The following HERC3 variants were observed in gnomAD, a reference collection of about 807,000 sequenced individuals.
The protein encoded by HERC3 is probable E3 ubiquitin-protein ligase HERC3.
A neutral mutation model predicts 129.9 loss-of-function variants in HERC3; 58 were observed. That is an observed-to-expected ratio of 0.45 (90% CI 0.36 to 0.56). The LOEUF is 0.56. HERC3 is among the 20% of genes least tolerant of loss of function. The pLI is 0.00. For missense variants in HERC3, 835 were observed against 1,244.2 expected, an observed-to-expected ratio of 0.67 and a Z score of 4.95; for synonymous variants, 430 against 451.0, an observed-to-expected ratio of 0.95 and a Z score of 0.59.
intron 23 of HERC3, among the ~76,000 whole-genome samples, chr4:88,691,800 C>G (rs953131929): frequency 2.6e-5 from 4 of 152,230 alleles, no homozygotes; most frequent in African/African-American, 9.6e-5. Context: ...ATAATGTAGT[C>G]ATTAGCAGTC....
At chr4:88,641,848 G>A (rs1448382239) in intron 3 of HERC3, among the ~76,000 whole-genome samples, 1 of 152,078 alleles carries the variant, frequency 6.6e-6, no homozygotes, top group Non-Finnish European at 1.5e-5. Context: ...GCCGGGCACG[G>A]TGCTCATGCC....
intron 9 of HERC3, chr4:88,656,392 T>C (rs1729904877): frequency 5.0e-6 from 1 of 200,168 alleles, no homozygotes; most frequent in African/African-American, 2.3e-5. Context: ...TCAGGAATCT[T>C]ACAGTCATGG....
chr4:88,697,044 G>T, intron 23 of HERC3: 1 of 626,238 alleles, frequency 1.6e-6, no homozygotes, highest in Non-Finnish European at 2.6e-6. Flanking sequence ...GAGCTGGCCA[G>T]GATCTAATTG....
the HERC3 span, among the ~76,000 whole-genome samples, chr4:88,555,198 G>C: frequency 6.6e-6 from 1 of 151,184 alleles, no homozygotes; most frequent in East Asian, 1.9e-4. Flanking sequence ...CAGGAGAACT[G>C]CTTGAACCTG....
In HERC3 at chr4:88,670,216, A is replaced by G; in HGVS notation, c.1875A>G (p.Glu625=). Residue 625 remains glutamate (E), a synonymous_variant, in exon 16 of 26, where the codon GAA becomes GAG. Coordinates refer to ENST00000402738, the MANE Select transcript of HERC3 (RefSeq NM_014606.3). ...TTTCCAATCTCGTGGACATTCAGGA[A>G]GACTACCTCATGTGGTTCTTGCATC... The part of the protein sequence containing the change: ...PEISNLVDIQ[E]DYLMWFLHQA... 1 of 1,612,772 alleles carries G rather than the reference A, an allele frequency of 6.2e-7. No individual in the cohort carries two copies. Among genetic ancestry groups the G allele is most frequent in the African/African-American group, 1.3e-5 (1 of 75,020 alleles).
intron 16 of HERC3, among the ~76,000 whole-genome samples, chr4:88,675,421 A>G (rs756194977): frequency 6.6e-6 from 1 of 152,210 alleles, no homozygotes; most frequent in Non-Finnish European, 1.5e-5. Context: ...AAGAAATAAT[A>G]TAGAGCACTC....
the HERC3 span, among the ~76,000 whole-genome samples, chr4:88,542,410 A>G: frequency 3.9e-5 from 6 of 152,216 alleles, no homozygotes; most frequent in Admixed American, 2.6e-4. Context: ...TGAATCTCTG[A>G]ATAGACCAAT....
At position 88,681,147 on chromosome 4, in the gene HERC3, T is replaced by C; in HGVS notation, c.2341-12T>C. The C allele has an allele frequency of 6.3e-7, 1 of 1,594,608 alleles. No individual in the cohort carries two copies. The highest frequency in any genetic ancestry group is 8.5e-7 in the Non-Finnish European group (1 of 1,172,232). ...CATTTCTTTTTAACACATTTGTATG[T>C]GTCCTAAAAAGTGTTTTGTAGAGCA... On this transcript the variant is annotated splice_polypyrimidine_tract_variant and intron_variant, in intron 20 of 25. Transcript: ENST00000402738.
chr4:88,682,832 A>C (rs948880963), intron 21 of HERC3, among the ~76,000 whole-genome samples: 14 of 151,942 alleles, frequency 9.2e-5, no homozygotes, highest in African/African-American at 3.4e-4. Context: ...CTTTGGGTAT[A>C]TACCCAGTAA....
intron 21 of HERC3, among the ~76,000 whole-genome samples, chr4:88,684,265 A>G (rs1011775205): frequency 6.6e-6 from 1 of 152,220 alleles, no homozygotes; most frequent in South Asian, 2.1e-4. Flanking sequence ...GTACCAAAAC[A>G]GATATATAGA....
intron 23 of HERC3, among the ~76,000 whole-genome samples, chr4:88,701,863 C>T (rs547766464): frequency 2.7e-5 from 4 of 148,522 alleles, no homozygotes; most frequent in South Asian, 4.3e-4. Flanking sequence ...AGTACAGTGG[C>T]GTGATCATGG....
chr4:88,702,995 T>G (rs902554110), intron 23 of HERC3, among the ~76,000 whole-genome samples: 1 of 152,218 alleles, frequency 6.6e-6, no homozygotes, highest in Admixed American at 6.5e-5. Context: ...GAAGCCAGCC[T>G]GCTATAAGTC....
chr4:88,690,254 C>A (rs2924365), intron 23 of HERC3: 269,441 of 971,402 alleles, frequency 0.28, 41,797 homozygotes, highest in African/African-American at 0.6. Context: ...CTTAATAAGA[C>A]CAGGCTTTTT....
At chr4:88,697,625 G>GGTCACCAGCCGCGCTGTCACA (rs1464489187) in intron 23 of HERC3, 6 of 1,609,036 alleles carry the variant, frequency 3.7e-6, no homozygotes, top group African/African-American at 1.3e-5. Context: ...GCGCTGTCAG[G>GGTCACCAGCCGCGCTGTCACA]GTCACCAGCC....
the HERC3 span, among the ~76,000 whole-genome samples, chr4:88,529,615 G>A: frequency 3.6e-3 from 550 of 152,234 alleles, 5 homozygotes; most frequent in African/African-American, 0.012. Context: ...TTAGCCAGGC[G>A]TGGTGGCAGG....
chr4:88,530,182 C>T, the HERC3 span, among the ~76,000 whole-genome samples: 8 of 152,074 alleles, frequency 5.3e-5, no homozygotes, highest in East Asian at 1.6e-3. Flanking sequence ...CCCAGCTACT[C>T]AGGAGGCTGA....
At chr4:88,682,591 T>C (rs949029933) in intron 21 of HERC3, among the ~76,000 whole-genome samples, 13 of 151,894 alleles carry the variant, frequency 8.6e-5, no homozygotes, top group African/African-American at 2.7e-4. Context: ...TTTGTCCTTG[T>C]GATAGTTTGC....
chr4:88,546,232 G>T, the HERC3 span, among the ~76,000 whole-genome samples: 2 of 152,148 alleles, frequency 1.3e-5, no homozygotes, highest in Non-Finnish European at 2.9e-5. Context: ...GAGAGGCACA[G>T]TCTAACAGAA....
At chr4:88,643,105 A>G (rs776821603) in intron 3 of HERC3, among the ~76,000 whole-genome samples, 12 of 152,234 alleles carry the variant, frequency 7.9e-5, no homozygotes, top group Non-Finnish European at 1.3e-4. Flanking sequence ...ACGATATGCA[A>G]TTGGAAACTG....
Sources: allele counts gnomAD v4.1 joint callset (sites outside exome capture counted in the v4.1 genomes callset), GRCh38; gene constraint gnomAD v4.1.1; transcripts MANE v1.5; gene names NCBI Gene and HGNC (gene_info 2026-07-23, HGNC 2026-07-21).